The following WNK4 variants were observed in gnomAD, a reference collection of about 807,000 sequenced individuals.
The protein encoded by WNK4 is WNK lysine deficient protein kinase 4, also known as serine/threonine-protein kinase WNK4.
A neutral mutation model predicts 116.2 loss-of-function variants in WNK4; 94 were observed. The observed-to-expected ratio is 0.81, with a 90% CI of 0.68 to 0.96. The LOEUF is 0.96. WNK4 is among the 40% of genes least tolerant of loss of function. The pLI is 0.00. For missense variants in WNK4, 1,542 were observed against 1,650.6 expected (o/e 0.93, Z 1.14); for synonymous variants, 655 against 672.7 (o/e 0.97, Z 0.41).
chr17:42,791,560 A>T (rs1480435385), intron 11 of WNK4, among the ~76,000 whole-genome samples: 1 of 151,676 alleles, frequency 6.6e-6, no homozygotes, highest in South Asian at 2.1e-4. Context: ...AATCACTTGA[A>T]CCCAGGAGGT....
chr17:42,793,492 G>A (rs1161392237), intron 11 of WNK4, 100 bp from the exon 12 acceptor site: 49 of 1,541,868 alleles, frequency 3.2e-5, no homozygotes, highest in South Asian at 1.0e-4. Context: ...TTACAGGCGT[G>A]AGCCACCGCG....
chr17:42,794,167 C>T (rs759360568), intron 12 of WNK4: 3 of 316,876 alleles, frequency 9.5e-6, no homozygotes, highest in African/African-American at 2.2e-5. Context: ...AACAGTGGCT[C>T]TTAGCCCATT....
intron 2 of WNK4, 49 bp from the exon 3 acceptor site, chr17:42,783,888 C>A: frequency 6.4e-7 from 1 of 1,552,508 alleles, no homozygotes; most frequent in Non-Finnish European, 8.8e-7. Flanking sequence ...GGCTCCTTCC[C>A]GGAGGACGTG....
At chr17:42,791,763 C>T (rs1235722769) in intron 11 of WNK4, among the ~76,000 whole-genome samples, 1 of 152,008 alleles carries the variant, frequency 6.6e-6, no homozygotes, top group Non-Finnish European at 1.5e-5. Context: ...AGTTCGAGAC[C>T]AGCCTGGCCA....
In WNK4 at chr17:42,784,123, G is replaced by A. The variant is rs984286963; in HGVS notation, c.978G>A (p.Thr326=). ...AAATCGGGGACCTGGGCCTGGCCAC[G>A]CTCAAGCGCGCCTCCTTTGCCAAGA... ...SVKIGDLGLA[T]LKRASFAKSV... The change falls in exon 3 of 19, where the codon ACG becomes ACA. Residue 326 remains threonine (T), a synonymous_variant. Coordinates refer to ENST00000246914, the MANE Select transcript of WNK4 (RefSeq NM_032387.5). The surrounding 1 kb of genome is among the most constrained non-coding windows in gnomAD (Gnocchi z 4.4). 2.5e-6 allele frequency: 4 copies of A among 1,608,710 alleles called. No homozygotes were observed. Among genetic ancestry groups the A allele is most frequent in the Admixed American group, 1.7e-5 (1 of 60,030 alleles).
In WNK4 at chr17:42,794,643, C is replaced by T. The variant is rs771391031; in HGVS notation, c.2325C>T (p.Pro775=). The T allele has an allele frequency of 5.6e-6, 9 of 1,613,956 alleles. 1 individual carries two copies. The South Asian group carries it at 7.7e-5, about 14-fold the overall frequency. ...QEEPAPLPAL[P]VPLPDPSNEE... is the part of the protein sequence containing the mutation. ...AGCCAGCACCATTACCTGCCCTGCC[C>T]GTCCCCCTCCCAGACCCATCCAATG... Residue 775 remains proline, a synonymous_variant, in exon 13 of 19, where the codon CCC becomes CCT. Coordinates refer to ENST00000246914, the MANE Select transcript of WNK4 (RefSeq NM_032387.5).
chr17:42,785,170 C>T lies in WNK4; in HGVS notation c.1244C>T (p.Thr415Met), dbSNP rs1349751636. 1 of 1,613,752 alleles carries T rather than the reference C, an allele frequency of 6.2e-7. No individual in the cohort carries two copies. Among genetic ancestry groups the T allele is most frequent in the Non-Finnish European group, 8.5e-7 (1 of 1,179,948 alleles). ...GAGATCATTGAAGGCTGCATCCGCA[C>T]GGATAAGAACGAGAGGTGGGGGTGA... ...VKEIIEGCIR[T>M]DKNERFTIQD... The change falls in exon 5 of 19, where the codon ACG becomes ATG. Residue 415 changes from threonine to methionine, a missense_variant. Physicochemically the swap from Thr to Met is moderately conservative, Grantham distance 81. This residue lies in a region of WNK4 where 808 missense variants were observed against 873.6 expected (regional missense o/e 0.92). Coordinates refer to ENST00000246914, the MANE Select transcript of WNK4 (RefSeq NM_032387.5).
intron 12 of WNK4, 51 bp from the exon 13 acceptor site, chr17:42,794,563 T>A (rs752268243): frequency 2.5e-6 from 4 of 1,608,736 alleles, no homozygotes; most frequent in Non-Finnish European, 3.4e-6. Context: ...ACACCTTCCA[T>A]CTCAGACTGC....
intron 11 of WNK4, among the ~76,000 whole-genome samples, chr17:42,790,544 T>C (rs1480699414): frequency 6.6e-6 from 1 of 150,860 alleles, no homozygotes; most frequent in Non-Finnish European, 1.5e-5. Context: ...TGAAGGGAGA[T>C]GAGCCGGCAA....
Position 42,780,915 on chromosome 17 carries a change from T to C in WNK4, c.217T>C (p.Trp73Arg). The part of the protein sequence containing the change: ...SSVDLGLLSS[W>R]SLPASPAPDP... ...AGTCGACTTGGGGCTGCTGAGCTCT[T>C]GGTCCCTGCCAGCCTCACCCGCTCC... Residue 73 changes from tryptophan (W) to arginine (R), a missense_variant, in exon 1 of 19, where the codon TGG becomes CGG. Around this residue, in one of 7 missense-constraint regions of WNK4, gnomAD observed 243 missense variants for 217.8 expected, o/e 1.12. Transcript: ENST00000246914. 1.2e-6 allele frequency: 2 copies of C among 1,608,396 alleles called. No homozygotes were observed. The highest frequency in any genetic ancestry group is 1.7e-6 in the Non-Finnish European group (2 of 1,179,684).
At chr17:42,787,229 T>G in intron 6 of WNK4, 49 bp from the exon 7 acceptor site, 1 of 1,610,204 alleles carries the variant, frequency 6.2e-7, no homozygotes, top group Middle Eastern at 1.6e-4. Context: ...TGATGGATCT[T>G]TGATAGGGGG....
In WNK4 at chr17:42,785,088, C is replaced by CT; in HGVS notation, c.1171-7dup. 1 of 1,611,300 alleles carries CT rather than the reference C, an allele frequency of 6.2e-7. No individual in the cohort carries two copies. Among genetic ancestry groups the CT allele is most frequent in the Non-Finnish European group, 8.5e-7 (1 of 1,179,040 alleles). On this transcript the variant is annotated splice_polypyrimidine_tract_variant and intron_variant, in intron 4 of 18. Coordinates refer to ENST00000246914, the MANE Select transcript of WNK4 (RefSeq NM_032387.5). ...GAGGACGGGAGGTGTCATGCAACCCCTTCCCCAGGGCAGAAAGCCGAACAG... is the reference window on the plus strand; with the variant it reads ...GAGGACGGGAGGTGTCATGCAACCCCTTTCCCCAGGGCAGAAAGCCGAACAG...
At chr17:42,788,649 C>G (rs1271910037) in intron 10 of WNK4, 32 bp from the exon 11 acceptor site, 1 of 1,555,974 alleles carries the variant, frequency 6.4e-7, no homozygotes, top group Non-Finnish European at 8.9e-7. Flanking sequence ...GAGGGCTTGA[C>G]CTTCTCCCCT....
chr17:42,787,676 C>A (rs1476757385), intron 7 of WNK4, 102 bp from the exon 8 acceptor site: 12 of 1,596,198 alleles, frequency 7.5e-6, no homozygotes, highest in Admixed American at 1.7e-5. Context: ...CAGGAAGGAA[C>A]TCTCCCACAG....
At position 42,796,785 on chromosome 17, in the gene WNK4, A is replaced by C. The variant is rs921924461; in HGVS notation, c.*97A>C. ...GCTTTCTGATCAACAAAACTGAGCA[A>C]GGAAGATCCCAACACTGAAGGGGTA... On this transcript the variant is annotated 3_prime_UTR_variant, in exon 19 of 19. Coordinates refer to ENST00000246914, the MANE Select transcript of WNK4 (RefSeq NM_032387.5). 8 of 1,613,850 alleles carry C rather than the reference A, an allele frequency of 5.0e-6. No individual in the cohort carries two copies. Among genetic ancestry groups the C allele is most frequent in the Non-Finnish European group, 6.8e-6 (8 of 1,179,840 alleles).
In WNK4 at chr17:42,785,127, A is replaced by G. The variant is rs1568027880; in HGVS notation, c.1201A>G (p.Lys401Glu). ...AAAGCCGAACAGCTTCCACAAGGTG[A>G]AGATACCCGAGGTGAAGGAGATCAT... ...GRKPNSFHKV[K>E]IPEVKEIIEG... is the part of the protein sequence containing the mutation. Residue 401 changes from lysine to glutamate, a missense_variant, in exon 5 of 19, where the codon AAG becomes GAG. Lys to Glu is a moderately conservative substitution (Grantham distance 56). Transcript: ENST00000246914. 6.2e-7 allele frequency: 1 copy of G among 1,613,918 alleles called. No homozygotes were observed. Among genetic ancestry groups the G allele is most frequent in the Admixed American group, 1.7e-5 (1 of 60,000 alleles).
chr17:42,783,706 C>G, intron 2 of WNK4: 2 of 592,760 alleles, frequency 3.4e-6, no homozygotes, highest in Non-Finnish European at 3.0e-6. Context: ...GCACCTTGGC[C>G]GAGGCCCTAT....
Position 42,787,812 on chromosome 17 carries a change from C to T in WNK4, c.1776C>T (p.Ser592=), listed in dbSNP as rs777794505. ...DCETDGYLSS[S]GFLDASDPAL... ...AGACTGATGGCTACCTCAGCTCCTC[C>T]GGCTTCCTGGATGCCTCAGACCCTG... Residue 592 remains serine (S), a synonymous_variant, in exon 8 of 19, where the codon TCC becomes TCT. Transcript: ENST00000246914. The T allele has an allele frequency of 3.3e-5, 54 of 1,612,382 alleles. No homozygotes were observed. Among genetic ancestry groups the T allele is most frequent in the East Asian group, 2.9e-4 (13 of 44,882 alleles).
intron 4 of WNK4, 43 bp from the exon 5 acceptor site, chr17:42,785,054 T>C: frequency 6.3e-7 from 1 of 1,590,626 alleles, no homozygotes; most frequent in African/African-American, 1.3e-5. Context: ...AGCCGAGAGC[T>C]GGGGATCAGA....
Sources: allele counts gnomAD v4.1 joint callset (sites outside exome capture counted in the v4.1 genomes callset), GRCh38; gene constraint gnomAD v4.1.1; regional missense constraint gnomAD v4.1.1; non-coding constraint Gnocchi (gnomAD v3.1); transcripts MANE v1.5; gene names NCBI Gene and HGNC (gene_info 2026-07-23, HGNC 2026-07-21).